MAP2: variants seen among roughly 807,000 people sequenced by gnomAD.
MAP2 encodes the protein microtubule-associated protein 2.
In MAP2, 14 loss-of-function variants were observed where a neutral mutation model predicts 137.6. That is an observed-to-expected ratio of 0.10 (90% CI 0.07 to 0.16). MAP2 has a LOEUF of 0.16. Among genes scored for constraint, MAP2 ranks in the 10% least tolerant of loss-of-function variants. The probability of loss-of-function intolerance (pLI) is 1.00; values close to 1 mark genes in which losing one functional copy is unlikely to be tolerated. For synonymous variants in MAP2, 786 were observed against 782.3 expected, an observed-to-expected ratio of 1.00 and a Z score of -0.08; for missense variants, 2,088 against 2,191.5, an observed-to-expected ratio of 0.95 and a Z score of 0.94.
intron 2 of MAP2, among the ~76,000 whole-genome samples, chr2:209,535,029 A>G (rs1051481668): frequency 1.3e-5 from 2 of 152,174 alleles, no homozygotes; most frequent in African/African-American, 4.8e-5. Flanking sequence ...TTACTTCAGA[A>G]AGAAATCCCA....
chr2:209,604,258 C>G (rs899817857), intron 3 of MAP2, among the ~76,000 whole-genome samples: 2 of 152,090 alleles, frequency 1.3e-5, no homozygotes, highest in Non-Finnish European at 2.9e-5. Context: ...TCATTAAGTC[C>G]GTACCCAGTA....
intron 3 of MAP2, among the ~76,000 whole-genome samples, chr2:209,618,979 A>G (rs571318364): frequency 8.6e-4 from 131 of 152,328 alleles, no homozygotes; most frequent in African/African-American, 2.5e-3. Context: ...AACTACTTGG[A>G]TAAACCTGGA....
At chr2:209,601,995 C>T (rs1390526012) in intron 3 of MAP2, among the ~76,000 whole-genome samples, 1 of 152,184 alleles carries the variant, frequency 6.6e-6, no homozygotes, top group Non-Finnish European at 1.5e-5. Flanking sequence ...TAATAAAGCC[C>T]TCTTTGCACA....
intron 3 of MAP2, among the ~76,000 whole-genome samples, chr2:209,597,777 T>C (rs2081695530): frequency 6.6e-6 from 1 of 152,028 alleles, no homozygotes; most frequent in Non-Finnish European, 1.5e-5. Flanking sequence ...ACTCTCTCTC[T>C]ATGCTCCCTC....
chr2:209,679,572 A>G (rs2053632250), intron 6 of MAP2, among the ~76,000 whole-genome samples: 1 of 152,080 alleles, frequency 6.6e-6, no homozygotes, highest in Non-Finnish European at 1.5e-5. Context: ...CTTACAGTCT[A>G]ATATATCCAT....
rs1312820953 is a variant in MAP2, at chr2:209,731,467, A to G, written c.*1070A>G. ...CAAAAAATTATTTTTCTTTGCTTTC[A>G]CCAACATGGAGTTTGTGGGGGTGGG... On this transcript the variant is annotated 3_prime_UTR_variant, in exon 16 of 16. Transcript: ENST00000682079. The G allele has an allele frequency of 6.6e-6, 1 of 152,538 alleles. No individual in the cohort carries two copies. The highest frequency in any genetic ancestry group is 1.9e-4 in the East Asian group (1 of 5,192). The allele number at this position is 152,538 out of a possible 1,614,324, so 9.4% of individuals were successfully genotyped here.
At chr2:209,433,109 G>A (rs1010666324) in intron 1 of MAP2, among the ~76,000 whole-genome samples, 16 of 152,034 alleles carry the variant, frequency 1.1e-4, no homozygotes, top group African/African-American at 3.9e-4. Context: ...TCTGAATGTG[G>A]AAAATATCAG....
intron 7 of MAP2, among the ~76,000 whole-genome samples, chr2:209,692,337 C>A (rs1190107507): frequency 2.1e-3 from 284 of 133,350 alleles, no homozygotes; most frequent in Non-Finnish European, 2.5e-3. Flanking sequence ...TAGGAGAGAC[C>A]AAAAAAAAAA....
chr2:209,559,505 GC>G (rs2071500343), intron 2 of MAP2, among the ~76,000 whole-genome samples: 1 of 104,274 alleles, frequency 9.6e-6, no homozygotes, highest in Non-Finnish European at 1.9e-5. Context: ...AAAAAAAAAA[GC>G]CGGGTGTGGT....
rs141300266 is a variant in MAP2 at position 209,733,083 on chromosome 2, C to T, written c.*2686C>T. On this transcript the variant is annotated 3_prime_UTR_variant, in exon 16 of 16. Coordinates refer to ENST00000682079, the MANE Select transcript of MAP2 (RefSeq NM_001375505.1). ...TCTAGGAATGAAATCTTCGTGGTCT[C>T]AATTCTAGATCTACTATGCCAGTTT... The T allele has an allele frequency of 6.6e-6, 1 of 152,634 alleles. No individual in the cohort carries two copies. Among genetic ancestry groups the T allele is most frequent in the African/African-American group, 2.4e-5 (1 of 41,536 alleles). The allele number at this position is 152,634 out of a possible 1,614,324, so 9.5% of individuals were successfully genotyped here. A position where few individuals can be genotyped will look rare whatever the true frequency, so the allele number is the denominator to read the frequency against.
chr2:209,511,536 C>G (rs1033629378), intron 2 of MAP2, among the ~76,000 whole-genome samples: 1 of 152,078 alleles, frequency 6.6e-6, no homozygotes, highest in Admixed American at 6.6e-5. Context: ...TTAATTCATG[C>G]TTTCTTGGTG....
intron 1 of MAP2, among the ~76,000 whole-genome samples, chr2:209,468,154 C>G (rs931188242): frequency 2.6e-5 from 4 of 151,504 alleles, no homozygotes; most frequent in Non-Finnish European, 5.9e-5. Context: ...TTGAAAAATT[C>G]AACTTTCATC....
At chr2:209,427,659 A>C (rs1692945453) in intron 1 of MAP2, among the ~76,000 whole-genome samples, 1 of 152,166 alleles carries the variant, frequency 6.6e-6, no homozygotes, top group Non-Finnish European at 1.5e-5. Flanking sequence ...CATTAAGGAG[A>C]GCACTTATTA....
At chr2:209,489,066 T>C (rs2058752312) in intron 1 of MAP2, among the ~76,000 whole-genome samples, 1 of 152,188 alleles carries the variant, frequency 6.6e-6, no homozygotes, top group African/African-American at 2.4e-5. Flanking sequence ...TGGGTGTCCA[T>C]CTGGGACAAA....
At chr2:209,535,782 A>G (rs2065867488) in intron 2 of MAP2, among the ~76,000 whole-genome samples, 1 of 152,106 alleles carries the variant, frequency 6.6e-6, no homozygotes, top group Non-Finnish European at 1.5e-5. Flanking sequence ...ATTAAATATA[A>G]TCATTTGATT....
At chr2:209,720,409 C>T (rs1244355856) in intron 13 of MAP2, among the ~76,000 whole-genome samples, 1 of 152,086 alleles carries the variant, frequency 6.6e-6, no homozygotes, top group African/African-American at 2.4e-5. Context: ...GAGGCCGAGG[C>T]GGGCAGATCA....
At chr2:209,505,845 G>A (rs542877361) in intron 1 of MAP2, among the ~76,000 whole-genome samples, 12 of 151,996 alleles carry the variant, frequency 7.9e-5, no homozygotes, top group Admixed American at 2.0e-4. Context: ...AGTGGTTCAC[G>A]CTTGTAGTTC....
intron 2 of MAP2, among the ~76,000 whole-genome samples, chr2:209,576,658 C>G (rs1489142261): frequency 6.6e-6 from 1 of 152,168 alleles, no homozygotes; most frequent in African/African-American, 2.4e-5. Context: ...TGTGTGCCAT[C>G]ACAATTGATT....
At chr2:209,520,116 T>A (rs1023737293) in intron 2 of MAP2, among the ~76,000 whole-genome samples, 1 of 152,064 alleles carries the variant, frequency 6.6e-6, no homozygotes, top group Non-Finnish European at 1.5e-5. Flanking sequence ...CCCCATCCTT[T>A]TTTATAGCAG....
Sources: allele counts gnomAD v4.1 joint callset (sites outside exome capture counted in the v4.1 genomes callset), GRCh38; gene constraint gnomAD v4.1.1; transcripts MANE v1.5; gene names NCBI Gene and HGNC (gene_info 2026-07-23, HGNC 2026-07-21).